PIK3C2A: variants seen among roughly 807,000 people sequenced by gnomAD.
The protein encoded by PIK3C2A is phosphatidylinositol-4-phosphate 3-kinase catalytic subunit type 2 alpha, also known as phosphatidylinositol 4-phosphate 3-kinase C2 domain-containing subunit alpha.
A neutral mutation model predicts 204.5 loss-of-function variants in PIK3C2A; 97 were observed. The observed-to-expected ratio is 0.47, with a 90% CI of 0.40 to 0.56. PIK3C2A has a LOEUF of 0.56. Ranked by LOEUF, PIK3C2A falls within the 20% of genes least tolerant of loss-of-function variation. PIK3C2A has a pLI of 0.00. For synonymous variants in PIK3C2A, 653 were observed against 664.4 expected (o/e 0.98, Z 0.26); for missense variants, 1,735 against 1,969.2 (o/e 0.88, Z 2.25).
intron 1 of PIK3C2A, among the ~76,000 whole-genome samples, chr11:17,192,883 A>G (rs1214679329): frequency 1.3e-5 from 2 of 152,242 alleles, no homozygotes; most frequent in African/African-American, 4.8e-5. Context: ...TCCAAAACTC[A>G]TGTTGAAATT....
At position 17,150,534 on chromosome 11, in the gene PIK3C2A, C is replaced by T. The variant is rs1489039268; in HGVS notation, c.1291G>A (p.Glu431Lys). 4 of 1,608,762 alleles carry T rather than the reference C, an allele frequency of 2.5e-6. No homozygotes were observed. The highest frequency in any genetic ancestry group is 1.7e-5 in the Admixed American group (1 of 59,132). ...NASVKVSIDI[E>K]GFQLPVTFTC... ...AAAGTAACTGGTAGCTGAAATCCTT[C>T]AATGTCAATGGAGACCTTCACACTA... Residue 431 changes from glutamate to lysine, a missense_variant, in exon 4 of 33, where the codon GAA becomes AAA. Physicochemically the swap from Glu to Lys is moderately conservative, Grantham distance 56. Transcript: ENST00000691414.
At chr11:17,138,388 C>T (rs1414659364) in intron 8 of PIK3C2A, 2 of 383,128 alleles carry the variant, frequency 5.2e-6, no homozygotes, top group Non-Finnish European at 9.8e-6. Flanking sequence ...CCTCTAGCTG[C>T]ACCCTCATGC....
In PIK3C2A at chr11:17,101,384, C is replaced by T. The variant is rs748360915; in HGVS notation, c.3902G>A (p.Gly1301Glu). ...AAAACGAATGGTGGGCTTTTCACCC[C>T]CATTAATGACATATGCCATATCAGA... Reference protein sequence around the residue: ...LTSDMAYVINGGEKPTIRFQL... With the variant: ...LTSDMAYVINEGEKPTIRFQL... The change falls in exon 25 of 33, where the codon GGG becomes GAG. Residue 1301 changes from glycine to glutamate, a missense_variant. By Grantham distance (98) the Gly-to-Glu change is moderately conservative. Coordinates refer to ENST00000691414, the MANE Select transcript of PIK3C2A (RefSeq NM_002645.4). 3.1e-6 allele frequency: 5 copies of T among 1,595,256 alleles called. No homozygotes were observed. Among genetic ancestry groups the T allele is most frequent in the Non-Finnish European group, 4.3e-6 (5 of 1,165,676 alleles).
At chr11:17,151,694 G>A (rs1850432301) in intron 3 of PIK3C2A, among the ~76,000 whole-genome samples, 1 of 152,108 alleles carries the variant, frequency 6.6e-6, no homozygotes, top group Admixed American at 6.5e-5. Flanking sequence ...ACCTGATAGG[G>A]TTGTTGTGAG....
rs927524227 is a variant in PIK3C2A, at chr11:17,114,305, C to T, written c.3321+56G>A. ...TGCCTTAAGCATACCTGCCCATTTG[C>T]CTTCTTCCTATTATTTTCAAATGTA... On this transcript the variant is annotated intron_variant, in intron 20 of 32. Transcript: ENST00000691414. 6 of 935,182 alleles carry T rather than the reference C, an allele frequency of 6.4e-6. No individual in the cohort carries two copies. The African/African-American group carries it at 9.7e-5, about 15-fold the overall frequency. The allele number at this position is 935,182 out of a possible 1,614,324, so 57.9% of individuals were successfully genotyped here.
At chr11:17,111,851 T>C (rs1169143774) in intron 21 of PIK3C2A, among the ~76,000 whole-genome samples, 1 of 122,532 alleles carries the variant, frequency 8.2e-6, no homozygotes, top group Non-Finnish European at 1.6e-5. Context: ...CACTCCAGCC[T>C]GGGCAATAAG....
intron 1 of PIK3C2A, among the ~76,000 whole-genome samples, chr11:17,194,600 T>C (rs1160379531): frequency 2.0e-5 from 3 of 152,188 alleles, no homozygotes; most frequent in African/African-American, 7.2e-5. Context: ...CATAAAGTTG[T>C]TAGACATTGG....
At chr11:17,192,205 T>C (rs564110325) in intron 1 of PIK3C2A, among the ~76,000 whole-genome samples, 1 of 152,232 alleles carries the variant, frequency 6.6e-6, no homozygotes, top group African/African-American at 2.4e-5. Flanking sequence ...TCTTATTATT[T>C]GTTTAAACAT....
chr11:17,204,594 T>G (rs1852500561), intron 1 of PIK3C2A, among the ~76,000 whole-genome samples: 1 of 152,188 alleles, frequency 6.6e-6, no homozygotes. Flanking sequence ...ATATCCTATT[T>G]AGCCTGCCCT....
At chr11:17,205,983 T>C (rs1478535287) in intron 1 of PIK3C2A, among the ~76,000 whole-genome samples, 1 of 152,120 alleles carries the variant, frequency 6.6e-6, no homozygotes, top group Non-Finnish European at 1.5e-5. Context: ...ATGAGCCATG[T>C]GTGGTGGCGC....
At chr11:17,117,752 C>T (rs964552987) in intron 18 of PIK3C2A, 81 bp from the exon 19 acceptor site, 3 of 792,062 alleles carry the variant, frequency 3.8e-6, no homozygotes, top group African/African-American at 2.1e-5. Context: ...CCTCACTCGT[C>T]ACCCAGGCTG....
At position 17,113,275 on chromosome 11, in the gene PIK3C2A, G is replaced by A. The variant is rs1259531116; in HGVS notation, c.3322-609C>T. 3.9e-5 allele frequency among the ~76,000 whole-genome samples: 6 copies of A among 152,028 alleles called. No homozygotes were observed. The East Asian group carries it at 7.7e-4, about 19-fold the overall frequency. On this transcript the variant is annotated intron_variant, in intron 20 of 32. Coordinates refer to ENST00000691414, the MANE Select transcript of PIK3C2A (RefSeq NM_002645.4). ...GCATATATGACTAAAATATCATCTCGCTAGGCAGAGAAGCAAAAACTTGAG... is the reference window on the plus strand; with the variant it reads ...GCATATATGACTAAAATATCATCTCACTAGGCAGAGAAGCAAAAACTTGAG...
intron 15 of PIK3C2A, among the ~76,000 whole-genome samples, chr11:17,121,381 T>C (rs538385647): frequency 2.0e-5 from 3 of 152,262 alleles, no homozygotes; most frequent in Non-Finnish European, 4.4e-5. Context: ...CCTTCCAAAG[T>C]GTCAAGAGTA....
intron 28 of PIK3C2A, among the ~76,000 whole-genome samples, chr11:17,093,749 C>A (rs867029226): frequency 6.6e-6 from 1 of 151,776 alleles, no homozygotes; most frequent in East Asian, 1.9e-4. Flanking sequence ...TCAATCCTCT[C>A]ACTTCAGCCT....
At chr11:17,150,916 A>T (rs1850405440) in intron 3 of PIK3C2A, among the ~76,000 whole-genome samples, 1 of 152,204 alleles carries the variant, frequency 6.6e-6, no homozygotes, top group Admixed American at 6.5e-5. Context: ...ACCCAAGCAC[A>T]TGCTTGGATA....
At chr11:17,171,660 A>G (rs899365204) in intron 1 of PIK3C2A, among the ~76,000 whole-genome samples, 3 of 152,254 alleles carry the variant, frequency 2.0e-5, no homozygotes, top group African/African-American at 7.2e-5. Context: ...TTTAAAATAT[A>G]CACACTTTAC....
intron 27 of PIK3C2A, among the ~76,000 whole-genome samples, 167 bp from the exon 28 acceptor site, chr11:17,094,552 C>T (rs1198009117): frequency 2.0e-5 from 3 of 151,992 alleles, no homozygotes; most frequent in South Asian, 2.1e-4. Context: ...AGTAAAAGCA[C>T]GTCTCTACTA....
chr11:17,095,703 A>G (rs1185338336), intron 27 of PIK3C2A, among the ~76,000 whole-genome samples: 1 of 151,902 alleles, frequency 6.6e-6, no homozygotes, highest in Non-Finnish European at 1.5e-5. Context: ...TGGGGCCAGG[A>G]ATTCGCCTGG....
Position 17,155,595 on chromosome 11 carries a change from C to T in PIK3C2A, c.1100G>A (p.Gly367Glu). 1.9e-6 allele frequency: 3 copies of T among 1,608,546 alleles called. No homozygotes were observed. The highest frequency in any genetic ancestry group is 1.7e-6 in the Non-Finnish European group (2 of 1,175,814). The change falls in exon 3 of 33, where the codon GGA becomes GAA. Residue 367 changes from glycine to glutamate, a missense_variant. Gly to Glu is a moderately conservative substitution (Grantham distance 98). This residue lies in a region of PIK3C2A where 536 missense variants were observed against 546.7 expected (regional missense o/e 0.98). Transcript: ENST00000691414. ...TTCAACTTCTTGAAGAAGAGAACTT[C>T]CAGTTGGCAAACTACTGGTCCCATT... Reference protein sequence around the residue: ...DPNGTSSLPTGSSLLQEVEVQ... With the variant: ...DPNGTSSLPTESSLLQEVEVQ...
Sources: allele counts gnomAD v4.1 joint callset (sites outside exome capture counted in the v4.1 genomes callset), GRCh38; gene constraint gnomAD v4.1.1; regional missense constraint gnomAD v4.1.1; transcripts MANE v1.5; gene names NCBI Gene and HGNC (gene_info 2026-07-23, HGNC 2026-07-21).